ALX3: variants seen among roughly 807,000 people sequenced by gnomAD.
ALX3 encodes the protein homeobox protein aristaless-like 3.
ALX3 carries 17 observed loss-of-function variants against 26.3 expected under a neutral mutation model. The observed-to-expected ratio is 0.65, with a 90% CI of 0.44 to 0.97. The LOEUF is 0.97. ALX3 is among the 50% of genes least tolerant of loss of function. The pLI, the probability that ALX3 is intolerant of heterozygous loss-of-function variation, is 0.00. For synonymous variants in ALX3, 208 were observed against 201.4 expected, an observed-to-expected ratio of 1.03 and a Z score of -0.28; for missense variants, 461 against 466.5, an observed-to-expected ratio of 0.99 and a Z score of 0.11.
At chr1:110,065,634 G>T (rs574189765) in intron 1 of ALX3, among the ~76,000 whole-genome samples, 41 of 152,278 alleles carry the variant, frequency 2.7e-4, no homozygotes, top group African/African-American at 9.4e-4. Context: ...AGGAGAGTTG[G>T]GGACCAGTGT....
intron 1 of ALX3, among the ~76,000 whole-genome samples, chr1:110,069,271 G>A (rs2101799967): frequency 6.6e-6 from 1 of 152,364 alleles, no homozygotes; most frequent in South Asian, 2.1e-4. Context: ...CCCCGGCTGG[G>A]CGAAAGCCGG....
At chr1:110,069,585 C>T (rs893119767) in intron 1 of ALX3, among the ~76,000 whole-genome samples, 21 of 152,240 alleles carry the variant, frequency 1.4e-4, no homozygotes, top group African/African-American at 4.8e-4. Flanking sequence ...GTTAGGCTGC[C>T]CAGGGCTGCT....
In ALX3 at chr1:110,070,316, C is replaced by T. The variant is rs1166839369; in HGVS notation, c.277+20G>A. On this transcript the variant is annotated intron_variant, in intron 1 of 3. Transcript: ENST00000647563. ...GAAGAGAGGGTCGGGCTGCGCGCTA[C>T]GCCCCGCGCCGCGCGTTACCTTCCG... The T allele has an allele frequency of 7.7e-7, 1 of 1,292,194 alleles. No homozygotes were observed. Among genetic ancestry groups the T allele is most frequent in the Non-Finnish European group, 9.8e-7 (1 of 1,019,102 alleles). 80.0% of individuals were successfully genotyped at this position (1,292,194 alleles called of 1,614,324 possible).
chr1:110,065,403 G>T (rs1653757858), intron 1 of ALX3, among the ~76,000 whole-genome samples: 1 of 152,194 alleles, frequency 6.6e-6, no homozygotes, highest in Non-Finnish European at 1.5e-5. Flanking sequence ...GGACGTGGGT[G>T]CTCAGACCAC....
chr1:110,069,061 C>T (rs941128222), intron 1 of ALX3, among the ~76,000 whole-genome samples: 1 of 152,238 alleles, frequency 6.6e-6, no homozygotes, highest in Non-Finnish European at 1.5e-5. Context: ...CTGTCTCTGG[C>T]GGTGCTCACC....
At chr1:110,063,315 C>G (rs1653698746) in intron 2 of ALX3, among the ~76,000 whole-genome samples, 2 of 152,192 alleles carry the variant, frequency 1.3e-5, no homozygotes, top group South Asian at 4.1e-4. Flanking sequence ...AATGCCGGGC[C>G]TCTTGCCCTG....
Position 110,061,583 on chromosome 1 carries a change from G to A in ALX3, c.595-20C>T, listed in dbSNP as rs910822954. ...CCAGACCTGGGGGCAGGTTGTGGGG[G>A]TTTGAGGGGGTGATAGGGCAGCCCT... On this transcript the variant is annotated intron_variant, in intron 2 of 3. Transcript: ENST00000647563. 3 of 1,613,838 alleles carry A rather than the reference G, an allele frequency of 1.9e-6. No homozygotes were observed. The highest frequency in any genetic ancestry group is 1.3e-5 in the African/African-American group (1 of 74,954).
In ALX3 at chr1:110,061,047, AAG is replaced by A. The variant is rs562854143; in HGVS notation, c.724-8_724-7del. 146 of 1,600,824 alleles carry A rather than the reference AAG, an allele frequency of 9.1e-5. No homozygotes were observed. Among genetic ancestry groups the A allele is most frequent in the Non-Finnish European group, 1.1e-4 (131 of 1,174,720 alleles). ...GCCCACAGGGAGTTCTGCAGCTGAAAAGAGAGGGAAAGAAGGCCCATGAGCCT... is the reference window on the plus strand; with the variant it reads ...GCCCACAGGGAGTTCTGCAGCTGAAAAGAGGGAAAGAAGGCCCATGAGCCT... On this transcript the variant is annotated splice_region_variant and splice_polypyrimidine_tract_variant and intron_variant, in intron 3 of 3. Coordinates refer to ENST00000647563, the MANE Select transcript of ALX3 (RefSeq NM_006492.3).
At chr1:110,069,790 C>T (rs1051153236) in intron 1 of ALX3, among the ~76,000 whole-genome samples, 1 of 152,192 alleles carries the variant, frequency 6.6e-6, no homozygotes, top group African/African-American at 2.4e-5. Flanking sequence ...AGGCAGCACC[C>T]TTCCTGTGAA....
At chr1:110,069,535 TAGCACAGGGCACCGGCCCGTG>T (rs1653869458) in intron 1 of ALX3, among the ~76,000 whole-genome samples, 2 of 151,986 alleles carry the variant, frequency 1.3e-5, no homozygotes, top group Admixed American at 1.3e-4. Context: ...CAGCCGGCCT[TAGCACAGGGCACCGGCCCGTG>T]AGCCCGCGGC....
In ALX3 at chr1:110,063,972, C is replaced by G. The variant is rs535504508; in HGVS notation, c.594+615G>C. Among the ~76,000 whole-genome samples the G allele has an allele frequency of 2.0e-5, 3 of 152,148 alleles. No homozygotes were observed. In the East Asian group the frequency reaches 5.9e-4, roughly 30 times the overall value. ...CCTCTGGGAAGCCCTGGCACCTGAT[C>G]TCCATGGGGGATTTTGTTAGGATGG... is the stretch of plus-strand genomic sequence containing the variant. On this transcript the variant is annotated intron_variant, in intron 2 of 3. Transcript: ENST00000647563.
At chr1:110,070,091 T>C (rs1392780017) in intron 1 of ALX3, among the ~76,000 whole-genome samples, 2 of 151,992 alleles carry the variant, frequency 1.3e-5, no homozygotes, top group Non-Finnish European at 2.9e-5. Context: ...GCACCTTCCC[T>C]CGACCTCCCG....
Position 110,070,399 on chromosome 1 carries a change from G to T in ALX3, c.214C>A (p.Leu72Met). Residue 72 changes from leucine (L) to methionine (M), a missense_variant, in exon 1 of 4, where the codon CTG (leucine) becomes ATG (methionine). Physicochemically the swap from Leu to Met is conservative, Grantham distance 15. Around this residue, in one of 3 missense-constraint regions of ALX3, gnomAD observed 241 missense variants for 206.1 expected, o/e 1.17. Transcript: ENST00000647563. ...GCCGGGCCGGGCCCGAGGTCCTGCA[G>T]GTACTTGGCGGGCGGCTTGGCCGGC... Reference protein sequence around the residue: ...PEPAKPPAKYLQDLGPGPALN... With the variant: ...PEPAKPPAKYMQDLGPGPALN... 7.8e-7 allele frequency: 1 copy of T among 1,282,220 alleles called. No individual in the cohort carries two copies. Among genetic ancestry groups the T allele is most frequent in the South Asian group, 3.4e-5 (1 of 29,366 alleles). The allele number at this position is 1,282,220 out of a possible 1,614,324, so 79.4% of individuals were successfully genotyped here.
chr1:110,061,404 G>A (rs1265076051), intron 3 of ALX3, 31 bp downstream of exon 3: 6 of 1,614,228 alleles, frequency 3.7e-6, no homozygotes, highest in Admixed American at 3.3e-5. Context: ...GACCCTGCCA[G>A]GTCCTGGTTC....
intron 1 of ALX3, among the ~76,000 whole-genome samples, chr1:110,066,080 T>TG (rs1257170008): frequency 6.6e-6 from 1 of 152,228 alleles, no homozygotes; most frequent in Non-Finnish European, 1.5e-5. Context: ...CAAGAGGCAG[T>TG]GTCTTCCCAG....
intron 1 of ALX3, among the ~76,000 whole-genome samples, chr1:110,068,552 C>G (rs992918933): frequency 6.6e-6 from 1 of 152,214 alleles, no homozygotes; most frequent in Non-Finnish European, 1.5e-5. Context: ...ATTTTCTTAC[C>G]CCCTTGTTCT....
rs548479692 is a variant in ALX3 at position 110,069,610 on chromosome 1, G to A, written c.277+726C>T. On this transcript the variant is annotated intron_variant, in intron 1 of 3. Coordinates refer to ENST00000647563, the MANE Select transcript of ALX3 (RefSeq NM_006492.3). ...CCAGGGCTGCTCCTGACTGCCCAGCGGTGATGATCCAGCGCGGGGAAGCCA... is the reference window on the plus strand; with the variant it reads ...CCAGGGCTGCTCCTGACTGCCCAGCAGTGATGATCCAGCGCGGGGAAGCCA... Among the ~76,000 whole-genome samples, 3 of 152,362 alleles carry A rather than the reference G, an allele frequency of 2.0e-5. No homozygotes were observed. The East Asian group carries it at 5.8e-4, about 29-fold the overall frequency.
Position 110,070,426 on chromosome 1 carries a change from C to T in ALX3, c.187G>A (p.Glu63Lys). The T allele has an allele frequency of 5.5e-6, 7 of 1,270,182 alleles. No homozygotes were observed. Among genetic ancestry groups the T allele is most frequent in the Non-Finnish European group, 6.9e-6 (7 of 1,009,630 alleles). 78.7% of individuals were successfully genotyped at this position (1,270,182 alleles called of 1,614,324 possible). A position where few individuals can be genotyped will look rare whatever the true frequency, so the allele number is the denominator to read the frequency against. Residue 63 changes from glutamate (E) to lysine (K), a missense_variant, in exon 1 of 4, where the codon GAG (glutamate) becomes AAG (lysine). Physicochemically the swap from Glu to Lys is moderately conservative, Grantham distance 56. This residue lies in a region of ALX3 where 241 missense variants were observed against 206.1 expected (regional missense o/e 1.17). Coordinates refer to ENST00000647563, the MANE Select transcript of ALX3 (RefSeq NM_006492.3). The stretch of plus-strand genomic sequence containing the variant: ...TACTTGGCGGGCGGCTTGGCCGGCT[C>T]TGGGAGGTAGGGCTCCAGGGGCCCG... ...ACGPLEPYLP[E>K]PAKPPAKYLQ...
In ALX3 at chr1:110,061,307, G is replaced by T. The variant is rs1050627700; in HGVS notation, c.723+128C>A. On this transcript the variant is annotated intron_variant, in intron 3 of 3. Transcript: ENST00000647563. Reference sequence around the variant, plus strand: ...ACAGGCAAGAGCCCCGGTTTGCAGAGAAAGAAGTGAAGTGGTGTACCCACT... The same window carrying T: ...ACAGGCAAGAGCCCCGGTTTGCAGATAAAGAAGTGAAGTGGTGTACCCACT... 5.0e-6 allele frequency: 7 copies of T among 1,412,132 alleles called. No individual in the cohort carries two copies. The African/African-American group carries it at 1.0e-4, about 20-fold the overall frequency. The allele number at this position is 1,412,132 out of a possible 1,614,324, so 87.5% of individuals were successfully genotyped here.
Sources: allele counts gnomAD v4.1 joint callset (sites outside exome capture counted in the v4.1 genomes callset), GRCh38; gene constraint gnomAD v4.1.1; regional missense constraint gnomAD v4.1.1; transcripts MANE v1.5; gene names NCBI Gene and HGNC (gene_info 2026-07-23, HGNC 2026-07-21).